Variants in WDR48 observed in about 807,000 individuals in gnomAD.
The protein encoded by WDR48 is WD repeat-containing protein 48.
In WDR48, 22 loss-of-function variants were observed where a neutral mutation model predicts 94.0. That is an observed-to-expected ratio of 0.23 (90% confidence interval 0.17 to 0.33). The LOEUF is 0.33. Among genes scored for constraint, WDR48 ranks in the 10% least tolerant of loss-of-function variants. WDR48 has a pLI of 1.00. For synonymous variants in WDR48, 278 were observed against 280.5 expected, an observed-to-expected ratio of 0.99 and a Z score of 0.09; for missense variants, 541 against 813.8, an observed-to-expected ratio of 0.66 and a Z score of 4.08.
intron 1 of WDR48, 144 bp downstream of exon 1, chr3:39,052,217 G>C (rs939872321): frequency 1.2e-5 from 11 of 955,318 alleles, no homozygotes; most frequent in East Asian, 5.8e-5. Context: ...GAGGGGTGGG[G>C]CCGCGGCGCT....
At chr3:39,077,078 G>C (rs1299744143) in intron 8 of WDR48, 61 bp from the exon 9 acceptor site, 38 of 1,578,170 alleles carry the variant, frequency 2.4e-5, no homozygotes, top group Non-Finnish European at 2.4e-5. Flanking sequence ...AACATATCTA[G>C]TCCTGGCAGT....
chr3:39,074,593 C>G (rs1027416426), intron 7 of WDR48, 133 bp from the exon 8 acceptor site: 7 of 909,332 alleles, frequency 7.7e-6, no homozygotes, highest in Non-Finnish European at 1.0e-5. Flanking sequence ...GTTGTCAAGC[C>G]TTTATCAGAG....
At chr3:39,091,413 A>G (rs956938376) in intron 16 of WDR48, 2 of 396,520 alleles carry the variant, frequency 5.0e-6, no homozygotes, top group African/African-American at 4.3e-5. Context: ...GCCATGCTAC[A>G]ATTTCATATT....
intron 8 of WDR48, among the ~76,000 whole-genome samples, chr3:39,075,960 T>C (rs1450124801): frequency 1.3e-5 from 2 of 152,138 alleles, no homozygotes; most frequent in Non-Finnish European, 2.9e-5. Flanking sequence ...CCTCCCAAAG[T>C]GCTGGTATTA....
rs751465033 is a variant in WDR48 at position 39,088,246 on chromosome 3, AAGAC to A, written c.1580+15_1580+18del. On this transcript the variant is annotated intron_variant, in intron 15 of 18. Transcript: ENST00000302313. ...GCACACTGTTCAGGTATGGGTAAGA[AAGAC>A]AAGAGGTTCTGCCTGAGAAGGTATC... 1 of 1,613,410 alleles carries A rather than the reference AAGAC, an allele frequency of 6.2e-7. No homozygotes were observed. Among genetic ancestry groups the A allele is most frequent in the Non-Finnish European group, 8.5e-7 (1 of 1,179,486 alleles).
In WDR48 at chr3:39,061,028, T is replaced by C. The variant is rs981110964; in HGVS notation, c.49-2022T>C. On this transcript the variant is annotated intron_variant, in intron 1 of 18. Transcript: ENST00000302313. ...TTTCAGTCTTTAATTCATAGAAAAA[T>C]TCGTTTTTGGTTTAAGATGTGGAGA... Among the ~76,000 whole-genome samples the C allele has an allele frequency of 1.7e-4, 26 of 152,248 alleles. No homozygotes were observed. The East Asian group carries it at 1.7e-3, about 10-fold the overall frequency.
chr3:39,061,144 C>G (rs1226537439), intron 1 of WDR48, among the ~76,000 whole-genome samples: 1 of 152,044 alleles, frequency 6.6e-6, no homozygotes, highest in Non-Finnish European at 1.5e-5. Flanking sequence ...TACATGTGCA[C>G]AACGTGCAGG....
chr3:39,075,648 G>C (rs917942508), intron 8 of WDR48, among the ~76,000 whole-genome samples: 2 of 152,022 alleles, frequency 1.3e-5, no homozygotes, highest in African/African-American at 4.8e-5. Flanking sequence ...CAACCTCACC[G>C]ATAGTCACAG....
chr3:39,096,298 GCTT>G lies in WDR48; in HGVS notation c.*1559_*1561del, dbSNP rs2035327719. ...TTCTCCCTTCCTCAGAGAGCAACCAGCTTCTTTTTTTTTAAAAGTCCTTTCTAT... is the reference window on the plus strand; with the variant it reads ...TTCTCCCTTCCTCAGAGAGCAACCAGCTTTTTTTTTAAAAGTCCTTTCTAT... On this transcript the variant is annotated 3_prime_UTR_variant, in exon 19 of 19. Transcript: ENST00000302313. 1 of 114,328 alleles carries G rather than the reference GCTT, an allele frequency of 8.7e-6. No homozygotes were observed. Among genetic ancestry groups the G allele is most frequent in the South Asian group, 2.3e-4 (1 of 4,404 alleles). 7.1% of individuals were successfully genotyped at this position (114,328 alleles called of 1,614,324 possible).
rs913917131 is a variant in WDR48 at position 39,055,134 on chromosome 3, T to C, written c.48+3061T>C. 2.0e-5 allele frequency among the ~76,000 whole-genome samples: 3 copies of C among 152,216 alleles called. No individual in the cohort carries two copies. In the East Asian group the frequency reaches 5.8e-4, roughly 29 times the overall value. ...GTCTCAGACCACGAGACAGTAGCCCTGAGCTCCTTGTCAAGTTGTAGGCCA... is the reference window on the plus strand; with the variant it reads ...GTCTCAGACCACGAGACAGTAGCCCCGAGCTCCTTGTCAAGTTGTAGGCCA... On this transcript the variant is annotated intron_variant, in intron 1 of 18. Coordinates refer to ENST00000302313, the MANE Select transcript of WDR48 (RefSeq NM_020839.4).
chr3:39,089,116 A>C, intron 15 of WDR48, 115 bp from the exon 16 acceptor site: 1 of 855,954 alleles, frequency 1.2e-6, no homozygotes, highest in Non-Finnish European at 1.8e-6. Context: ...CTCAGCTGTC[A>C]AGTGGGGGTT....
chr3:39,084,362 G>GAA, intron 12 of WDR48, 100 bp downstream of exon 12: 4 of 753,768 alleles, frequency 5.3e-6, no homozygotes, highest in Non-Finnish European at 7.4e-6. Context: ...TTTTAGGTGT[G>GAA]AAAAAAAAAA....
At chr3:39,069,824 T>G (rs146355983) in intron 7 of WDR48, 80 bp downstream of exon 7, 13 of 1,145,642 alleles carry the variant, frequency 1.1e-5, no homozygotes, top group Non-Finnish European at 1.4e-5. Flanking sequence ...ATAGGTTGAT[T>G]TGAACCGAAA....
At chr3:39,069,171 C>T (rs2033787767) in intron 6 of WDR48, among the ~76,000 whole-genome samples, 1 of 152,122 alleles carries the variant, frequency 6.6e-6, no homozygotes. Flanking sequence ...TTAATAGAGA[C>T]AGGGTTTCGC....
chr3:39,075,190 C>CTTTTTTTT (rs11353487), intron 8 of WDR48, among the ~76,000 whole-genome samples: 1 of 110,492 alleles, frequency 9.1e-6, no homozygotes, highest in Non-Finnish European at 1.8e-5. Flanking sequence ...TTGTGTTTTG[C>CTTTTTTTT]TTTTTTTTTT....
intron 2 of WDR48, among the ~76,000 whole-genome samples, chr3:39,065,189 A>T (rs1355363473): frequency 6.6e-6 from 1 of 152,232 alleles, no homozygotes; most frequent in Non-Finnish European, 1.5e-5. Flanking sequence ...TAAGAGAAGT[A>T]GAATCTCGAA....
chr3:39,059,074 C>CAAA (rs1178955423), intron 1 of WDR48, among the ~76,000 whole-genome samples: 63 of 69,540 alleles, frequency 9.1e-4, no homozygotes, highest in African/African-American at 1.7e-3. Flanking sequence ...GACTCCGTCT[C>CAAA]AAAAAAAAAA....
At chr3:39,063,005 C>T (rs1349046322) in intron 1 of WDR48, 45 bp from the exon 2 acceptor site, 1 of 1,605,316 alleles carries the variant, frequency 6.2e-7, no homozygotes, top group East Asian at 2.2e-5. Context: ...TTTATTACTG[C>T]ATGGCTTGTA....
At position 39,094,727 on chromosome 3, in the gene WDR48, G is replaced by A. The variant is rs770433005; in HGVS notation, c.2018G>A (p.Arg673His). 1.4e-5 allele frequency: 23 copies of A among 1,613,838 alleles called. No homozygotes were observed. The highest frequency in any genetic ancestry group is 4.5e-5 in the East Asian group (2 of 44,874). Reference sequence around the variant, plus strand: ...GGTGGAGACCTCACCCTCCATTACCGTCAGAAGTCCACGTGAAGGCTGGGC... The same window carrying A: ...GGTGGAGACCTCACCCTCCATTACCATCAGAAGTCCACGTGAAGGCTGGGC... The part of the protein sequence containing the change: ...KSGGDLTLHY[R>H]QKST Residue 673 changes from arginine (R) to histidine (H), a missense_variant, in exon 19 of 19, where the codon CGT becomes CAT. By Grantham distance (29) the Arg-to-His change is conservative (BLOSUM62 0). Transcript: ENST00000302313.
Sources: gnomAD v4.1 joint callset for allele counts (sites outside exome capture counted in the v4.1 genomes callset) on GRCh38, gnomAD v4.1.1 for gene constraint, MANE v1.5 for transcripts, NCBI Gene and HGNC (gene_info 2026-07-23, HGNC 2026-07-21) for gene names.